CDK19: variants seen among roughly 807,000 people sequenced by gnomAD.
The protein encoded by CDK19 is cyclin dependent kinase 19.
CDK19 carries 20 observed loss-of-function variants against 68.3 expected under a neutral mutation model. The observed-to-expected ratio is 0.29, with a 90% CI of 0.21 to 0.43. The LOEUF (loss-of-function observed/expected upper bound fraction) is 0.43. Ranked by LOEUF, CDK19 falls within the 20% of genes least tolerant of loss-of-function variation. The pLI is 1.00. For missense variants in CDK19, 339 were observed against 623.5 expected, an observed-to-expected ratio of 0.54 and a Z score of 4.86; for synonymous variants, 221 against 222.8, an observed-to-expected ratio of 0.99 and a Z score of 0.07.
intron 1 of CDK19, among the ~76,000 whole-genome samples, chr6:110,781,449 C>A (rs995227672): frequency 3.9e-5 from 6 of 152,174 alleles, no homozygotes; most frequent in African/African-American, 1.4e-4. Context: ...CACCGGAGAT[C>A]AATTTCCAAC....
chr6:110,647,570 C>A (rs997277523), intron 4 of CDK19, among the ~76,000 whole-genome samples: 2 of 152,026 alleles, frequency 1.3e-5, no homozygotes, highest in Non-Finnish European at 2.9e-5. Flanking sequence ...AATGTAAAGT[C>A]AAAAATGTAA....
At chr6:110,733,207 G>A (rs945853030) in intron 2 of CDK19, among the ~76,000 whole-genome samples, 1 of 152,126 alleles carries the variant, frequency 6.6e-6, no homozygotes, top group Non-Finnish European at 1.5e-5. Context: ...ATACCCATAT[G>A]TGTTATTTTG....
At chr6:110,689,220 C>A (rs960027462) in intron 2 of CDK19, among the ~76,000 whole-genome samples, 4 of 152,120 alleles carry the variant, frequency 2.6e-5, no homozygotes, top group African/African-American at 9.7e-5. Context: ...CAGAGAACCA[C>A]CTCCTGACTC....
At position 110,622,811 on chromosome 6, in the gene CDK19, A is replaced by G; in HGVS notation, c.1031+4T>C. 6 of 1,573,592 alleles carry G rather than the reference A, an allele frequency of 3.8e-6. No homozygotes were observed. Among genetic ancestry groups the G allele is most frequent in the Non-Finnish European group, 5.2e-6 (6 of 1,142,882 alleles). Reference sequence around the variant, plus strand: ...AAAGGACACAGAAAAGACAGGATACATACTCTAATGTTGGCAAAGGGTCCT... The same window carrying G: ...AAAGGACACAGAAAAGACAGGATACGTACTCTAATGTTGGCAAAGGGTCCT... On this transcript the variant is annotated splice_donor_region_variant and intron_variant, in intron 10 of 12. Transcript: ENST00000368911.
intron 2 of CDK19, among the ~76,000 whole-genome samples, chr6:110,678,671 A>G (rs182001012): frequency 6.6e-6 from 1 of 152,356 alleles, no homozygotes; most frequent in East Asian, 1.9e-4. Flanking sequence ...TAGAAAATCA[A>G]AAGCTTTCTA....
At chr6:110,660,694 G>A (rs1781567484) in intron 4 of CDK19, among the ~76,000 whole-genome samples, 1 of 152,174 alleles carries the variant, frequency 6.6e-6, no homozygotes, top group Admixed American at 6.5e-5. Context: ...ACACCATCAA[G>A]CTGTCCTTCT....
intron 5 of CDK19, among the ~76,000 whole-genome samples, chr6:110,636,970 A>G (rs1308552919): frequency 6.6e-6 from 1 of 152,242 alleles, no homozygotes; most frequent in African/African-American, 2.4e-5. Flanking sequence ...CTGTACAGCC[A>G]AAGAGTAGAG....
intron 1 of CDK19, among the ~76,000 whole-genome samples, chr6:110,789,255 T>C (rs923173086): frequency 3.9e-5 from 6 of 152,114 alleles, no homozygotes; most frequent in African/African-American, 1.4e-4. Flanking sequence ...TCTTTAAGTG[T>C]TTCTGTGCCT....
At chr6:110,813,286 C>T (rs999718621) in intron 1 of CDK19, 1 of 151,960 alleles carries the variant, frequency 6.6e-6, no homozygotes, top group Non-Finnish European at 1.5e-5. Flanking sequence ...TTTAACTTCT[C>T]AAAAGTTCCC....
chr6:110,751,164 G>C (rs1778449251), intron 1 of CDK19, among the ~76,000 whole-genome samples: 1 of 152,122 alleles, frequency 6.6e-6, no homozygotes, highest in Non-Finnish European at 1.5e-5. Flanking sequence ...CCTTAGAACA[G>C]GGTCCTCAAC....
At chr6:110,758,975 T>C (rs977038342) in intron 1 of CDK19, among the ~76,000 whole-genome samples, 22 of 151,210 alleles carry the variant, frequency 1.5e-4, no homozygotes, top group Non-Finnish European at 3.0e-4. Flanking sequence ...AAAAAAAAAA[T>C]GATGGGCCAG....
chr6:110,803,913 G>A (rs932037368), intron 1 of CDK19, among the ~76,000 whole-genome samples: 35 of 152,126 alleles, frequency 2.3e-4, no homozygotes, highest in African/African-American at 6.5e-4. Context: ...AGGCTACAGC[G>A]AGCTGTGGCT....
chr6:110,784,158 C>CAA (rs1170140844), intron 1 of CDK19, among the ~76,000 whole-genome samples: 16,890 of 61,038 alleles, frequency 0.28, 1,989 homozygotes, highest in South Asian at 0.32. Flanking sequence ...GACTTCGTCT[C>CAA]AAAAAAAAAA....
intron 1 of CDK19, among the ~76,000 whole-genome samples, chr6:110,793,626 A>G (rs1781743931): frequency 6.6e-6 from 1 of 152,190 alleles, no homozygotes; most frequent in Non-Finnish European, 1.5e-5. Flanking sequence ...TTTGTTCCAC[A>G]CTGTGGCAGA....
chr6:110,716,350 T>C (rs887719032), intron 2 of CDK19, among the ~76,000 whole-genome samples: 57 of 152,118 alleles, frequency 3.7e-4, no homozygotes, highest in African/African-American at 1.4e-3. Flanking sequence ...ATACTTTCTA[T>C]TTATTAAAAG....
At chr6:110,705,789 G>T (rs1774418283) in intron 2 of CDK19, among the ~76,000 whole-genome samples, 1 of 152,106 alleles carries the variant, frequency 6.6e-6, no homozygotes, top group Admixed American at 6.5e-5. Flanking sequence ...CCACTCATAA[G>T]TGAGAGTTGA....
chr6:110,648,020 A>T (rs971662093), intron 4 of CDK19, among the ~76,000 whole-genome samples: 1 of 152,202 alleles, frequency 6.6e-6, no homozygotes, highest in Admixed American at 6.5e-5. Context: ...CAGCTGATAG[A>T]ATTTAACACT....
intron 1 of CDK19, among the ~76,000 whole-genome samples, chr6:110,752,096 T>C (rs1778511541): frequency 6.6e-6 from 1 of 152,196 alleles, no homozygotes; most frequent in Non-Finnish European, 1.5e-5. Flanking sequence ...TGGGTATCAT[T>C]CTGAATTATT....
chr6:110,764,697 T>A (rs906663166), intron 1 of CDK19, among the ~76,000 whole-genome samples: 2 of 152,160 alleles, frequency 1.3e-5, no homozygotes, highest in African/African-American at 4.8e-5. Flanking sequence ...ACGCCTCCAA[T>A]CCCAGTACTT....
Sources: allele counts gnomAD v4.1 joint callset (sites outside exome capture counted in the v4.1 genomes callset), GRCh38; gene constraint gnomAD v4.1.1; transcripts MANE v1.5; gene names NCBI Gene and HGNC (gene_info 2026-07-23, HGNC 2026-07-21).